The following SLC12A8 variants were observed in gnomAD, a reference collection of about 807,000 sequenced individuals.
The protein encoded by SLC12A8 is solute carrier family 12 member 8, also known as cation-chloride cotransporter 9.
Under a neutral mutation model 75.6 loss-of-function variants are expected in SLC12A8, and 69 were observed. The observed-to-expected ratio is 0.91, with a 90% CI of 0.75 to 1.11. SLC12A8 has a LOEUF of 1.11. Ranked by LOEUF, SLC12A8 falls within the 50% of genes most tolerant of loss-of-function variation. The pLI is 0.00. For missense variants in SLC12A8, 877 were observed against 896.7 expected (o/e 0.98, Z 0.28); for synonymous variants, 365 against 372.8 (o/e 0.98, Z 0.24).
At chr3:125,198,923 A>G (rs71325818) in intron 2 of SLC12A8, among the ~76,000 whole-genome samples, 138,485 of 151,382 alleles carry the variant, frequency 0.91, 63,762 homozygotes, top group Non-Finnish European at 0.98. Flanking sequence ...GACTACAGGC[A>G]CCCGCCACCA....
intron 5 of SLC12A8, among the ~76,000 whole-genome samples, chr3:125,163,623 A>AT (rs1034702928): frequency 2.0e-5 from 3 of 152,036 alleles, no homozygotes; most frequent in Non-Finnish European, 4.4e-5. Flanking sequence ...TTAAAAAAAA[A>AT]GAAAAAGAAA....
At chr3:125,173,077 G>A (rs1934440115) in intron 5 of SLC12A8, among the ~76,000 whole-genome samples, 2 of 152,124 alleles carry the variant, frequency 1.3e-5, no homozygotes, top group African/African-American at 4.8e-5. Flanking sequence ...TACTCGGGAG[G>A]CTGAGGCAGG....
chr3:125,108,528 A>G (rs1475570588), intron 9 of SLC12A8, among the ~76,000 whole-genome samples: 1 of 151,944 alleles, frequency 6.6e-6, no homozygotes, highest in East Asian at 1.9e-4. Flanking sequence ...ACCACCATGC[A>G]TGGCTAATTT....
chr3:125,172,329 T>C (rs1343480878), intron 5 of SLC12A8, among the ~76,000 whole-genome samples: 1 of 148,894 alleles, frequency 6.7e-6, no homozygotes, highest in African/African-American at 2.6e-5. Flanking sequence ...TCTCCCTCTT[T>C]CTCTCTCTCT....
chr3:125,170,298 T>A (rs1377697875), intron 5 of SLC12A8, among the ~76,000 whole-genome samples: 1 of 152,228 alleles, frequency 6.6e-6, no homozygotes, highest in Admixed American at 6.5e-5. Flanking sequence ...TAAGCAATGA[T>A]CCTGCAGAAA....
At chr3:125,154,391 T>C (rs1294958779) in intron 5 of SLC12A8, among the ~76,000 whole-genome samples, 1 of 152,192 alleles carries the variant, frequency 6.6e-6, no homozygotes, top group Non-Finnish European at 1.5e-5. Context: ...GCTCCATTGC[T>C]TACCAGCTGG....
intron 5 of SLC12A8, among the ~76,000 whole-genome samples, chr3:125,149,140 G>C (rs1933858278): frequency 6.6e-6 from 1 of 152,192 alleles, no homozygotes; most frequent in African/African-American, 2.4e-5. Context: ...CCCAGCCAGG[G>C]AGTCGGGCCA....
At chr3:125,205,687 C>T (rs816344) in intron 2 of SLC12A8, among the ~76,000 whole-genome samples, 138,636 of 152,276 alleles carry the variant, frequency 0.91, 63,328 homozygotes, top group African/African-American at 0.98. Flanking sequence ...AAGTTGCTTC[C>T]GTCCATTGAC....
chr3:125,193,592 AG>A (rs1220074320), intron 2 of SLC12A8, among the ~76,000 whole-genome samples: 1 of 152,316 alleles, frequency 6.6e-6, no homozygotes, highest in East Asian at 1.9e-4. Flanking sequence ...TGACAGGCTG[AG>A]GGGCAGGACC....
At chr3:125,150,986 T>C (rs1378613502) in intron 5 of SLC12A8, among the ~76,000 whole-genome samples, 3 of 152,188 alleles carry the variant, frequency 2.0e-5, no homozygotes, top group Non-Finnish European at 4.4e-5. Flanking sequence ...ACACACCAAG[T>C]TTCCTCAGGG....
intron 4 of SLC12A8, among the ~76,000 whole-genome samples, chr3:125,182,277 T>TG (rs1934681474): frequency 6.6e-6 from 1 of 151,966 alleles, no homozygotes; most frequent in Non-Finnish European, 1.5e-5. Flanking sequence ...CAGTGAGCTG[T>TG]GATGGCGTCA....
In SLC12A8 at chr3:125,088,297, A is replaced by G. The variant is rs373777993; in HGVS notation, c.1982+13T>C. ...CTCATCCATTCTGGTACTGGCTCCA[A>G]ATTGGCACAGACCTGCAGGAGGGGA... On this transcript the variant is annotated intron_variant, in intron 13 of 13. Transcript: ENST00000469902. The G allele has an allele frequency of 3.7e-6, 6 of 1,613,982 alleles. No individual in the cohort carries two copies. Among genetic ancestry groups the G allele is most frequent in the Non-Finnish European group, 4.2e-6 (5 of 1,179,880 alleles).
intron 2 of SLC12A8, among the ~76,000 whole-genome samples, chr3:125,198,903 C>G (rs542565891): frequency 3.2e-4 from 49 of 151,940 alleles, no homozygotes; most frequent in East Asian, 5.9e-4. Context: ...TCAGCCTCCC[C>G]AGTAGCTGAG....
chr3:125,173,035 C>G (rs1294387036), intron 5 of SLC12A8, among the ~76,000 whole-genome samples: 2 of 151,984 alleles, frequency 1.3e-5, no homozygotes, highest in Non-Finnish European at 2.9e-5. Flanking sequence ...AAAAATTAGC[C>G]AGGTGTGGTG....
chr3:125,105,903 C>T (rs1359751196), intron 10 of SLC12A8, among the ~76,000 whole-genome samples: 1 of 151,952 alleles, frequency 6.6e-6, no homozygotes, highest in Non-Finnish European at 1.5e-5. Context: ...GGTGGTGGGT[C>T]CCTGTAATCT....
At chr3:125,200,505 C>T (rs1935099501) in intron 2 of SLC12A8, among the ~76,000 whole-genome samples, 1 of 152,126 alleles carries the variant, frequency 6.6e-6, no homozygotes, top group African/African-American at 2.4e-5. Flanking sequence ...GAAAAAATTA[C>T]CACATTATTA....
intron 2 of SLC12A8, among the ~76,000 whole-genome samples, chr3:125,204,512 T>A (rs1392282704): frequency 2.6e-5 from 4 of 152,142 alleles, no homozygotes; most frequent in African/African-American, 9.7e-5. Flanking sequence ...CTTATCCATA[T>A]GTGGGAGCTA....
chr3:125,103,560 G>C (rs949896595), intron 10 of SLC12A8, among the ~76,000 whole-genome samples: 5 of 151,768 alleles, frequency 3.3e-5, no homozygotes, highest in Non-Finnish European at 2.9e-5. Flanking sequence ...AACCTCCCAG[G>C]CTCAAGCAAT....
intron 2 of SLC12A8, among the ~76,000 whole-genome samples, chr3:125,198,078 G>A (rs993847925): frequency 9.2e-5 from 14 of 152,120 alleles, no homozygotes; most frequent in Admixed American, 7.2e-4. Flanking sequence ...ATGATGTCCT[G>A]GGAAAAGTAC....
Sources: gnomAD v4.1 joint callset for allele counts (sites outside exome capture counted in the v4.1 genomes callset) on GRCh38, gnomAD v4.1.1 for gene constraint, MANE v1.5 for transcripts, NCBI Gene and HGNC (gene_info 2026-07-23, HGNC 2026-07-21) for gene names.